The following CDAN1 variants were observed in gnomAD, a reference collection of about 807,000 sequenced individuals.
The protein encoded by CDAN1 is codanin 1, also known as codanin-1.
In CDAN1, 107 loss-of-function variants were observed where a neutral mutation model predicts 139.8. The ratio of observed to expected loss-of-function variants is 0.77; its 90% CI spans 0.65 to 0.90. CDAN1 has a LOEUF of 0.90. CDAN1 is among the 40% of genes least tolerant of loss of function. The pLI, the probability that CDAN1 is intolerant of heterozygous loss-of-function variation, is 0.00. For synonymous variants in CDAN1, 776 were observed against 660.6 expected, an observed-to-expected ratio of 1.17 and a Z score of -2.68; for missense variants, 1,667 against 1,575.7, an observed-to-expected ratio of 1.06 and a Z score of -0.98.
At position 42,729,237 on chromosome 15, in the gene CDAN1, C is replaced by T. The variant is rs1439511041; in HGVS notation, c.2533G>A (p.Gly845Arg). Residue 845 changes from glycine (G) to arginine (R), a missense_variant, in exon 18 of 28, where the codon GGG becomes AGG. By Grantham distance (125) the Gly-to-Arg change is moderately radical (BLOSUM62 -2). Transcript: ENST00000356231. ...CTCCGCCCTGCCCTTACCTGCAGCC[C>T]CTGGCTGGTCTGGGAAGGCTGGGCT... Reference protein sequence around the residue: ...LGAQPSQTSQGLQAQLAQAFF... With the variant: ...LGAQPSQTSQRLQAQLAQAFF... The T allele has an allele frequency of 3.1e-6, 5 of 1,613,876 alleles. No individual in the cohort carries two copies. Among genetic ancestry groups the T allele is most frequent in the Non-Finnish European group, 4.2e-6 (5 of 1,179,962 alleles).
rs766356240 is a variant in CDAN1 at position 42,736,632 on chromosome 15, G to A, written c.239C>T (p.Ala80Val). ...PTPAKTPGAS[A>V]ALPGRPGGPP... Reference sequence around the variant, plus strand: ...GCCTCCCGGCCTCCCTGGCAAGGCTGCCGAGGCGCCCGGGGTCTTGGCGGG... The same window carrying A: ...GCCTCCCGGCCTCCCTGGCAAGGCTACCGAGGCGCCCGGGGTCTTGGCGGG... Residue 80 changes from alanine (A) to valine (V), a missense_variant, in exon 2 of 28, where the codon GCA becomes GTA. Physicochemically the swap from Ala to Val is moderately conservative, Grantham distance 64 (BLOSUM62 0). Transcript: ENST00000356231. 1 of 1,514,996 alleles carries A rather than the reference G, an allele frequency of 6.6e-7. No homozygotes were observed. The highest frequency in any genetic ancestry group is 1.2e-5 in the South Asian group (1 of 80,800). 93.8% of individuals were successfully genotyped at this position (1,514,996 alleles called of 1,614,324 possible). A position where few individuals can be genotyped will look rare whatever the true frequency, so the allele number is the denominator to read the frequency against.
intron 19 of CDAN1, 34 bp from the exon 20 acceptor site, chr15:42,728,844 G>A (rs2061568336): frequency 5.6e-6 from 9 of 1,613,806 alleles, no homozygotes; most frequent in African/African-American, 1.3e-5. Context: ...GGGATGGTTG[G>A]AGGGTTAATC....
intron 8 of CDAN1, 86 bp from the exon 9 acceptor site, chr15:42,733,272 CA>C: frequency 6.2e-6 from 7 of 1,132,926 alleles, no homozygotes; most frequent in Admixed American, 3.5e-5. Flanking sequence ...GTAGCCCACC[CA>C]CCACCTTTTT....
Position 42,724,543 on chromosome 15 carries a change from C to G in CDAN1, c.3632G>C (p.Arg1211Thr). 3 of 1,563,438 alleles carry G rather than the reference C, an allele frequency of 1.9e-6. No homozygotes were observed. Among genetic ancestry groups the G allele is most frequent in the Non-Finnish European group, 2.6e-6 (3 of 1,152,874 alleles). ...AEPHLPEPQL[R>T]ACELVQPNRG... ...GTTTGGCTGCACCAACTCACAGGCT[C>G]TTAGCTGGGGTTCTGGCAGGTGGGG... is the stretch of plus-strand genomic sequence containing the variant. Residue 1211 changes from arginine to threonine, a missense_variant, in exon 28 of 28, where the codon AGA becomes ACA. Arg to Thr is a moderately conservative substitution (Grantham distance 71). This residue lies in a region of CDAN1 where 936 missense variants were observed against 844.1 expected (regional missense o/e 1.11). Coordinates refer to ENST00000356231, the MANE Select transcript of CDAN1 (RefSeq NM_138477.4).
intron 11 of CDAN1, 89 bp from the exon 12 acceptor site, chr15:42,731,420 C>T (rs1459199691): frequency 6.4e-7 from 1 of 1,572,804 alleles, no homozygotes; most frequent in African/African-American, 1.3e-5. Context: ...GGGAAGGGAG[C>T]AGCAGGACAG....
In CDAN1 at chr15:42,729,855, G is replaced by A. The variant is rs760936996; in HGVS notation, c.2293C>T (p.Leu765=). 2 of 1,613,824 alleles carry A rather than the reference G, an allele frequency of 1.2e-6. No homozygotes were observed. Among genetic ancestry groups the A allele is most frequent in the South Asian group, 2.2e-5 (2 of 91,052 alleles). The change falls in exon 16 of 28, where the codon CTG becomes TTG. Residue 765 remains leucine, a synonymous_variant. Transcript: ENST00000356231. ...AAGGCATATGAGGGACCCTCTTCCAGAAAGAACAAGTCCTCAGGGACTGTG... is the reference window on the plus strand; with the variant it reads ...AAGGCATATGAGGGACCCTCTTCCAAAAAGAACAAGTCCTCAGGGACTGTG... ...IPTVPEDLFF[L]EEGPSYAFEV...
At position 42,736,691 on chromosome 15, in the gene CDAN1, C is replaced by A; in HGVS notation, c.180G>T (p.Gln60His). The change falls in exon 2 of 28, where the codon CAG becomes CAT. Residue 60 changes from glutamine to histidine, a missense_variant. Physicochemically the swap from Gln to His is conservative, Grantham distance 24. This residue lies in a region of CDAN1 where 487 missense variants were observed against 422.2 expected (regional missense o/e 1.15). Transcript: ENST00000356231. ...VPFLLNFLRE[Q>H]SSRVLPQGPP... ...GCCCCTGCGGGAGGACGCGGCTGCT[C>A]TGCTCCCTCAGGAAGTTCAACAGGA... The A allele has an allele frequency of 6.4e-7, 1 of 1,553,366 alleles. No individual in the cohort carries two copies. The highest frequency in any genetic ancestry group is 2.5e-5 in the East Asian group (1 of 39,768).
At chr15:42,724,708 ATAT>A in intron 27 of CDAN1, 92 bp from the exon 28 acceptor site, 1 of 1,479,956 alleles carries the variant, frequency 6.8e-7, no homozygotes, top group Non-Finnish European at 9.2e-7. Flanking sequence ...CTGGCTGGCT[ATAT>A]TATTTTTTCT....
chr15:42,728,347 C>G, intron 20 of CDAN1, 80 bp from the exon 21 acceptor site: 2 of 1,474,374 alleles, frequency 1.4e-6, no homozygotes, highest in Non-Finnish European at 1.9e-6. Flanking sequence ...GTGCACCAAG[C>G]CCCTGACCTG....
Position 42,737,084 on chromosome 15 carries a change from A to T in CDAN1, c.19T>A (p.Ser7Thr), listed in dbSNP as rs2061701849. ...ACCGACACCTCTTCTCGCAGCAGCG[A>T]CTCCAAAACGGCCGCCATCCCGGTC... is the stretch of plus-strand genomic sequence containing the variant. MAAVLE[S>T]LLREEVSVAA... The change falls in exon 1 of 28, where the codon TCG (serine) becomes ACG (threonine). Residue 7 changes from serine (S) to threonine (T), a missense_variant. Transcript: ENST00000356231. 6.6e-7 allele frequency: 1 copy of T among 1,522,742 alleles called. No individual in the cohort carries two copies. Among genetic ancestry groups the T allele is most frequent in the Non-Finnish European group, 8.8e-7 (1 of 1,133,738 alleles). 94.3% of individuals were successfully genotyped at this position (1,522,742 alleles called of 1,614,324 possible).
rs958465581 is a variant in CDAN1 at position 42,726,310 on chromosome 15, C to T, written c.3204G>A (p.Gln1068=). ...CCCGGTGGCAGATGCCACAGCTCAC[C>T]TGGCGGCACCGCAGCGTCTGGCCCA... The part of the protein sequence containing the change: ...GQLGQTLRCR[Q]FLCPPAEQHL... The change falls in exon 24 of 28, where the codon CAG becomes CAA. Residue 1068 remains glutamine, a splice_region_variant and synonymous_variant. Transcript: ENST00000356231. The T allele has an allele frequency of 6.3e-7, 1 of 1,587,746 alleles. No individual in the cohort carries two copies. Among genetic ancestry groups the T allele is most frequent in the African/African-American group, 1.3e-5 (1 of 74,446 alleles).
rs749464836 is a variant in CDAN1, at chr15:42,730,587, G to A, written c.2174+11C>T. 5.5e-5 allele frequency: 89 copies of A among 1,613,816 alleles called. 2 individuals are homozygous for A. The South Asian group carries it at 9.4e-4, about 17-fold the overall frequency. On this transcript the variant is annotated intron_variant, in intron 14 of 27. Transcript: ENST00000356231. ...AATCCTTTCATCAAGCCTCAGCCTT[G>A]TTCCACTCACCGGTGCAGGCGCAGC...
intron 9 of CDAN1, 39 bp from the exon 10 acceptor site, chr15:42,732,447 A>T (rs556840367): frequency 6.4e-7 from 1 of 1,574,464 alleles, no homozygotes; most frequent in African/African-American, 1.3e-5. Flanking sequence ...TGTGGAAAGG[A>T]GGGAGAGGGA....
At chr15:42,729,748 C>T in intron 16 of CDAN1, 48 bp downstream of exon 16, 1 of 1,599,604 alleles carries the variant, frequency 6.3e-7, no homozygotes, top group Non-Finnish European at 8.6e-7. Flanking sequence ...CAGCCCACTT[C>T]CTTTATTCCT....
chr15:42,737,113 G>T lies in CDAN1; in HGVS notation c.-11C>A. On this transcript the variant is annotated 5_prime_UTR_variant, in exon 1 of 28. Transcript: ENST00000356231. ...CAAAACGGCCGCCATCCCGGTCGGG[G>T]CGCTCTGGGGCGACTGCGCAGGCGC... 1 of 1,468,108 alleles carries T rather than the reference G, an allele frequency of 6.8e-7. No individual in the cohort carries two copies. The highest frequency in any genetic ancestry group is 9.0e-7 in the Non-Finnish European group (1 of 1,106,304). 90.9% of individuals were successfully genotyped at this position (1,468,108 alleles called of 1,614,324 possible). A position where few individuals can be genotyped will look rare whatever the true frequency, so the allele number is the denominator to read the frequency against.
At position 42,737,090 on chromosome 15, in the gene CDAN1, A is replaced by G; in HGVS notation, c.13T>C (p.Leu5=). MAAV[L]ESLLREEVSV... is the part of the protein sequence containing the mutation. ...ACCTCTTCTCGCAGCAGCGACTCCA[A>G]AACGGCCGCCATCCCGGTCGGGGCG... Residue 5 remains leucine, a synonymous_variant, in exon 1 of 28, where the codon TTG becomes CTG. Coordinates refer to ENST00000356231, the MANE Select transcript of CDAN1 (RefSeq NM_138477.4). 6.6e-7 allele frequency: 1 copy of G among 1,518,210 alleles called. No individual in the cohort carries two copies. Among genetic ancestry groups the G allele is most frequent in the Non-Finnish European group, 8.8e-7 (1 of 1,131,134 alleles). The allele number at this position is 1,518,210 out of a possible 1,614,324, so 94.0% of individuals were successfully genotyped here. A position where few individuals can be genotyped will look rare whatever the true frequency, so the allele number is the denominator to read the frequency against.
In CDAN1 at chr15:42,724,543, C is replaced by T; in HGVS notation, c.3632G>A (p.Arg1211Lys). The change falls in exon 28 of 28, where the codon AGA becomes AAA. Residue 1211 changes from arginine (R) to lysine (K), a missense_variant. Physicochemically the swap from Arg to Lys is conservative, Grantham distance 26. Transcript: ENST00000356231. ...AEPHLPEPQL[R>K]ACELVQPNRG... The stretch of plus-strand genomic sequence containing the variant: ...GTTTGGCTGCACCAACTCACAGGCT[C>T]TTAGCTGGGGTTCTGGCAGGTGGGG... The T allele has an allele frequency of 6.4e-7, 1 of 1,563,438 alleles. No individual in the cohort carries two copies. Among genetic ancestry groups the T allele is most frequent in the African/African-American group, 1.4e-5 (1 of 73,820 alleles).
rs757541299 is a variant in CDAN1, at chr15:42,730,737, G to A, written c.2035C>T (p.Leu679=). The change falls in exon 14 of 28, where the codon CTG becomes TTG. Residue 679 remains leucine (L), a synonymous_variant. Transcript: ENST00000356231. ...QVPPVLDVRT[L]LQRGLQARRA... ...CGGGCCTGCAGCCCTCGCTGCAGCA[G>A]AGTCCGCACATCCAGGACCGGAGGG... 2 of 1,612,652 alleles carry A rather than the reference G, an allele frequency of 1.2e-6. No homozygotes were observed. The highest frequency in any genetic ancestry group is 1.7e-5 in the Admixed American group (1 of 59,766).
At position 42,726,379 on chromosome 15, in the gene CDAN1, G is replaced by T. The variant is rs146289653; in HGVS notation, c.3135C>A (p.Asp1045Glu). The change falls in exon 24 of 28, where the codon GAC becomes GAA. Residue 1045 changes from aspartate (D) to glutamate (E), a missense_variant. Around this residue, in one of 3 missense-constraint regions of CDAN1, gnomAD observed 936 missense variants for 844.1 expected, o/e 1.11. Coordinates refer to ENST00000356231, the MANE Select transcript of CDAN1 (RefSeq NM_138477.4). ...LSLAVGPRDP[D>E]EGVSPEHLEQ... ...CCAGATGCTCTGGGGAGACTCCCTCGTCAGGGTCCCGTGGCCCCACGGCCA... is the reference window on the plus strand; with the variant it reads ...CCAGATGCTCTGGGGAGACTCCCTCTTCAGGGTCCCGTGGCCCCACGGCCA... The T allele has an allele frequency of 5.5e-4, 874 of 1,599,598 alleles. 1 individual carries two copies. Among genetic ancestry groups the T allele is most frequent in the Non-Finnish European group, 6.6e-4 (773 of 1,173,272 alleles).
Sources: gnomAD v4.1 joint callset for allele counts on GRCh38, gnomAD v4.1.1 for gene constraint, gnomAD v4.1.1 regional missense constraint, MANE v1.5 for transcripts, NCBI Gene and HGNC (gene_info 2026-07-23, HGNC 2026-07-21) for gene names.